ARID3C: variants seen among roughly 807,000 people sequenced by gnomAD.
The protein encoded by ARID3C is AT-rich interaction domain 3C.
Under a neutral mutation model 37.9 loss-of-function variants are expected in ARID3C, and 42 were observed. The ratio of observed to expected loss-of-function variants is 1.11; its 90% CI spans 0.87 to 1.43. ARID3C has a LOEUF of 1.43. ARID3C is among the 40% of genes most tolerant of loss of function. The pLI is 0.00. For synonymous variants in ARID3C, 213 were observed against 228.0 expected (o/e 0.93, Z 0.59); for missense variants, 581 against 548.8 (o/e 1.06, Z -0.59).
exon 4 of ARID3C, chr9:34,623,508 G>C (rs1820606457): frequency 6.4e-7 from 1 of 1,560,806 alleles, no homozygotes; most frequent in Non-Finnish European, 8.6e-7. Flanking sequence ...GCCAGGGCTG[G>C]ACTGGGTCGC....
exon 7 of ARID3C, chr9:34,621,420 G>T: frequency 3.6e-6 from 5 of 1,377,912 alleles, no homozygotes; most frequent in Non-Finnish European, 4.9e-6. Context: ...TCCCCCCTCA[G>T]CAATGGGGCT....
intron 2 of ARID3C, among the ~76,000 whole-genome samples, chr9:34,625,024 G>A (rs1440748783): frequency 3.3e-5 from 5 of 152,042 alleles, no homozygotes; most frequent in African/African-American, 1.2e-4. Flanking sequence ...TGGGGTGAGG[G>A]CCGGGAGTGG....
chr9:34,629,137 T>A (rs891753677), upstream of ARID3C, among the ~76,000 whole-genome samples: 76 of 152,106 alleles, frequency 5.0e-4, no homozygotes, highest in Non-Finnish European at 9.3e-4. Flanking sequence ...GAGGCCCCTG[T>A]GGGATCTGCC....
upstream of ARID3C, among the ~76,000 whole-genome samples, chr9:34,629,829 T>G (rs1267979382): frequency 9.2e-5 from 14 of 152,178 alleles, no homozygotes; most frequent in Non-Finnish European, 1.9e-4. Context: ...CTGGGCTCAC[T>G]GCAGCCTCCG....
chr9:34,623,754 C>T, intron 3 of ARID3C, 40 bp from the exon 5 acceptor site: 2 of 1,504,256 alleles, frequency 1.3e-6, no homozygotes, highest in Non-Finnish European at 1.8e-6. Flanking sequence ...TGGGAGGCTG[C>T]ACCCAGCTGG....
At chr9:34,621,383 C>T in exon 7 of ARID3C, 1 of 1,098,118 alleles carries the variant, frequency 9.1e-7, no homozygotes, top group Non-Finnish European at 1.3e-6. Flanking sequence ...AGTGGGCAGC[C>T]AGAAAGAATC....
intron 6 of ARID3C, 110 bp downstream of exon 7, chr9:34,621,910 C>A: frequency 9.0e-7 from 1 of 1,110,242 alleles, no homozygotes; most frequent in Non-Finnish European, 1.3e-6. Flanking sequence ...GTTACTCATG[C>A]AAGTTTAGAT....
At chr9:34,621,116 C>A (rs1288014994), downstream of ARID3C, among the ~76,000 whole-genome samples, 1 of 152,148 alleles carries the variant, frequency 6.6e-6, no homozygotes, top group Non-Finnish European at 1.5e-5. Flanking sequence ...GTACCCCAAC[C>A]CAACCTTTCA....
At chr9:34,622,405 G>T in exon 5 of ARID3C, 4 of 1,613,982 alleles carry the variant, frequency 2.5e-6, no homozygotes, top group Non-Finnish European at 3.4e-6. Flanking sequence ...GTCGAGGTGG[G>T]TCCATAGGCC....
chr9:34,630,455 C>T (rs1361570949), upstream of ARID3C, among the ~76,000 whole-genome samples: 1 of 152,176 alleles, frequency 6.6e-6, no homozygotes, highest in African/African-American at 2.4e-5. Flanking sequence ...CAGCAGGTGT[C>T]TGTAGGGGTG....
chr9:34,624,779 A>AAAATTATCGGCCC (rs1230559215), intron 2 of ARID3C, among the ~76,000 whole-genome samples: 1 of 152,110 alleles, frequency 6.6e-6, no homozygotes, highest in East Asian at 1.9e-4. Flanking sequence ...TTAATGGGGG[A>AAAATTATCGGCCC]AAATTATCGG....
intron 6 of ARID3C, 41 bp downstream of exon 7, chr9:34,621,979 C>T (rs534629059): frequency 1.3e-6 from 2 of 1,592,470 alleles, no homozygotes; most frequent in African/African-American, 2.7e-5. Flanking sequence ...CCTAAATACC[C>T]CTGACCCCAT....
At chr9:34,632,641 A>T (rs948812988), upstream of ARID3C, among the ~76,000 whole-genome samples, 1 of 152,138 alleles carries the variant, frequency 6.6e-6, no homozygotes, top group African/African-American at 2.4e-5. Context: ...TAGAGTCTGG[A>T]TATATTCTGC....
chr9:34,632,519 CA>C (rs1207108869), upstream of ARID3C, among the ~76,000 whole-genome samples: 2 of 152,150 alleles, frequency 1.3e-5, no homozygotes, highest in African/African-American at 4.8e-5. Context: ...GAGAACCCTC[CA>C]CACAAGATGC....
intron 6 of ARID3C, among the ~76,000 whole-genome samples, 167 bp downstream of exon 7, chr9:34,621,853 G>C (rs1587213275): frequency 6.6e-6 from 1 of 152,236 alleles, no homozygotes; most frequent in Non-Finnish European, 1.5e-5. Context: ...ATGCCATGTA[G>C]ACACCCCCTT....
At chr9:34,625,663 C>G in intron 2 of ARID3C, 79 bp downstream of exon 3, 1 of 1,532,880 alleles carries the variant, frequency 6.5e-7, no homozygotes, top group East Asian at 2.3e-5. Flanking sequence ...CAGGCCTCAG[C>G]AGGGAGAACC....
upstream of ARID3C, among the ~76,000 whole-genome samples, chr9:34,630,549 C>T (rs903901360): frequency 2.0e-5 from 3 of 152,138 alleles, no homozygotes; most frequent in Non-Finnish European, 4.4e-5. Flanking sequence ...CAAACACGAC[C>T]TTTGTCTCCT....
At position 34,623,613 on chromosome 9, in the gene ARID3C, C is replaced by T. The variant is rs779196187; in HGVS notation, c.677G>A (p.Arg226His). The stretch of plus-strand genomic sequence containing the variant: ...GAGCGGAGTAGCGGTGTAAGCCTGG[C>T]GACGGCCCTCGCGCCGATTGCTGTC... Residue 226 changes from arginine (R) to histidine (H), a missense_variant, in exon 4 of 7, where the codon CGC becomes CAC. Transcript: ENST00000378909. 142 of 1,606,678 alleles carry T rather than the reference C, an allele frequency of 8.8e-5. 1 individual carries two copies. In the East Asian group the frequency reaches 3.1e-3, roughly 35 times the overall value.
exon 7 of ARID3C, chr9:34,621,405 T>G: frequency 8.2e-7 from 1 of 1,221,272 alleles, no homozygotes; most frequent in Non-Finnish European, 1.1e-6. Flanking sequence ...AAGCAGGGGG[T>G]CTCCTCCCCC....
Sources: allele counts gnomAD v4.1 joint callset (sites outside exome capture counted in the v4.1 genomes callset), GRCh38; gene constraint gnomAD v4.1.1; transcripts MANE v1.5; gene names NCBI Gene and HGNC (gene_info 2026-07-23, HGNC 2026-07-21).